Variants in PTPRO observed in about 807,000 individuals in gnomAD.
The protein encoded by PTPRO is protein tyrosine phosphatase receptor type O.
A neutral mutation model predicts 145.2 loss-of-function variants in PTPRO; 62 were observed. The observed-to-expected ratio is 0.43, with a 90% CI of 0.35 to 0.53. PTPRO has a LOEUF of 0.53. PTPRO is among the 20% of genes least tolerant of loss of function. The probability of loss-of-function intolerance (pLI) is 0.01; values close to 1 mark genes in which losing one functional copy is unlikely to be tolerated. For missense variants in PTPRO, 1,345 were observed against 1,482.7 expected, an observed-to-expected ratio of 0.91 and a Z score of 1.53; for synonymous variants, 565 against 514.7, an observed-to-expected ratio of 1.10 and a Z score of -1.32.
intron 1 of PTPRO, among the ~76,000 whole-genome samples, chr12:15,389,450 A>G (rs1033569103): frequency 6.6e-6 from 1 of 152,072 alleles, no homozygotes; most frequent in Admixed American, 6.6e-5. Context: ...GAATTCTCAG[A>G]GTGAATAGTA....
At position 15,371,220 on chromosome 12, in the gene PTPRO, A is replaced by T. The variant is rs184891987; in HGVS notation, c.75+48419A>T. ...ATTCTTCTAATGTTAAATAAAGAAC[A>T]TAACCTCAAGCTCACTATTTTTTTT... On this transcript the variant is annotated intron_variant, in intron 1 of 26. Coordinates refer to ENST00000281171, the MANE Select transcript of PTPRO (RefSeq NM_030667.3). Among the ~76,000 whole-genome samples, 281 of 151,884 alleles carry T rather than the reference A, an allele frequency of 1.9e-3. 1 individual carries two copies. In the Middle Eastern group the frequency reaches 0.024, roughly 13 times the overall value.
intron 1 of PTPRO, among the ~76,000 whole-genome samples, chr12:15,456,974 C>A (rs1941194413): frequency 6.6e-6 from 1 of 151,858 alleles, no homozygotes; most frequent in Non-Finnish European, 1.5e-5. Flanking sequence ...CTGTTCTAAT[C>A]TTTATTATTT....
At chr12:15,323,487 C>G (rs751716760) in intron 1 of PTPRO, among the ~76,000 whole-genome samples, 16 of 152,090 alleles carry the variant, frequency 1.1e-4, no homozygotes, top group Non-Finnish European at 2.1e-4. Flanking sequence ...GAATGTGCTA[C>G]CCTGAGGTTT....
At chr12:15,364,840 A>G (rs1204267168) in intron 1 of PTPRO, among the ~76,000 whole-genome samples, 1 of 152,186 alleles carries the variant, frequency 6.6e-6, no homozygotes, top group Non-Finnish European at 1.5e-5. Context: ...GGTCCCATTA[A>G]TTGAACAACA....
At chr12:15,517,026 CTT>C in intron 9 of PTPRO, 70 bp downstream of exon 9, 1 of 1,345,934 alleles carries the variant, frequency 7.4e-7, no homozygotes, top group Non-Finnish European at 1.1e-6. Flanking sequence ...CCAAATGTGT[CTT>C]TAAGAAATTA....
At position 15,516,913 on chromosome 12, in the gene PTPRO, C is replaced by A. The variant is rs1942611354; in HGVS notation, c.1736C>A (p.Thr579Asn). ...GCTACAATGACATCAGAGTGGACCA[C>A]CTACTATGAAATAGCAGCAACTGTT... Reference protein sequence around the residue: ...NPATMTSEWTTYYEIAATVSL... With the variant: ...NPATMTSEWTNYYEIAATVSL... The change falls in exon 9 of 27, where the codon ACC (threonine) becomes AAC (asparagine). Residue 579 changes from threonine to asparagine, a missense_variant. Physicochemically the swap from Thr to Asn is moderately conservative, Grantham distance 65. Transcript: ENST00000281171. 1 of 1,613,846 alleles carries A rather than the reference C, an allele frequency of 6.2e-7. No individual in the cohort carries two copies. The highest frequency in any genetic ancestry group is 8.5e-7 in the Non-Finnish European group (1 of 1,179,864).
chr12:15,407,197 T>C (rs1377805205), intron 1 of PTPRO, among the ~76,000 whole-genome samples: 1 of 152,200 alleles, frequency 6.6e-6, no homozygotes, highest in Non-Finnish European at 1.5e-5. Flanking sequence ...AAAATTATAT[T>C]CTGACCTCCA....
chr12:15,494,641 T>G (rs1942065099), intron 2 of PTPRO, among the ~76,000 whole-genome samples: 1 of 152,200 alleles, frequency 6.6e-6, no homozygotes, highest in Non-Finnish European at 1.5e-5. Context: ...CAAGCAAGCA[T>G]TTTAAGACAT....
At chr12:15,439,075 C>T (rs930632409) in intron 1 of PTPRO, among the ~76,000 whole-genome samples, 5 of 152,174 alleles carry the variant, frequency 3.3e-5, no homozygotes, top group African/African-American at 1.2e-4. Context: ...TAATAGAGGA[C>T]TTATCACCAG....
intron 13 of PTPRO, among the ~76,000 whole-genome samples, chr12:15,547,148 A>G (rs966967367): frequency 6.6e-6 from 1 of 152,246 alleles, no homozygotes; most frequent in Non-Finnish European, 1.5e-5. Context: ...AAAGTAAAAT[A>G]TAAGTACCAC....
chr12:15,583,088 T>C (rs1045601660), intron 23 of PTPRO, among the ~76,000 whole-genome samples: 2 of 152,210 alleles, frequency 1.3e-5, no homozygotes, highest in Non-Finnish European at 2.9e-5. Flanking sequence ...TCCTTTCTAA[T>C]AGTTAAGGAA....
chr12:15,483,818 A>G (rs1452333181), intron 1 of PTPRO, among the ~76,000 whole-genome samples, 156 bp from the exon 2 acceptor site: 2 of 152,138 alleles, frequency 1.3e-5, no homozygotes, highest in Non-Finnish European at 1.5e-5. Context: ...GTGTAACTAA[A>G]ATACCTATGT....
intron 10 of PTPRO, among the ~76,000 whole-genome samples, chr12:15,523,883 G>T (rs908490165): frequency 9.9e-5 from 15 of 151,868 alleles, no homozygotes; most frequent in African/African-American, 3.6e-4. Context: ...CTGCAGCCTG[G>T]ATCTCCTGGG....
In PTPRO at chr12:15,596,782, C is replaced by T. The variant is rs969384988; in HGVS notation, c.*709C>T. Reference sequence around the variant, plus strand: ...TGTTCTAGTTCTTGATGGTTTTCTTCCTTATTAACAGTTGGTGTTTCTTCC... The same window carrying T: ...TGTTCTAGTTCTTGATGGTTTTCTTTCTTATTAACAGTTGGTGTTTCTTCC... On this transcript the variant is annotated 3_prime_UTR_variant, in exon 27 of 27. Coordinates refer to ENST00000281171, the MANE Select transcript of PTPRO (RefSeq NM_030667.3). 1 of 152,392 alleles carries T rather than the reference C, an allele frequency of 6.6e-6. No homozygotes were observed. The highest frequency in any genetic ancestry group is 1.5e-5 in the Non-Finnish European group (1 of 68,022). The allele number at this position is 152,392 out of a possible 1,614,324, so 9.4% of individuals were successfully genotyped here. A position where few individuals can be genotyped will look rare whatever the true frequency, so the allele number is the denominator to read the frequency against.
intron 1 of PTPRO, among the ~76,000 whole-genome samples, chr12:15,458,828 A>G (rs573180428): frequency 8.7e-4 from 132 of 152,090 alleles, no homozygotes; most frequent in Middle Eastern, 3.4e-3. Context: ...TCTCCATTGC[A>G]TTAAGTTTGA....
intron 1 of PTPRO, among the ~76,000 whole-genome samples, chr12:15,325,553 AG>A (rs1434241552): frequency 6.6e-6 from 1 of 152,238 alleles, no homozygotes; most frequent in Non-Finnish European, 1.5e-5. Context: ...TATATAAAAT[AG>A]AAGAAAAAAT....
intron 1 of PTPRO, among the ~76,000 whole-genome samples, chr12:15,370,448 A>C (rs1047577552): frequency 8.5e-5 from 13 of 152,224 alleles, no homozygotes; most frequent in Non-Finnish European, 1.9e-4. Flanking sequence ...AATTAAAAGG[A>C]ACTATGTGTG....
At chr12:15,333,734 A>G (rs975628205) in intron 1 of PTPRO, among the ~76,000 whole-genome samples, 1 of 152,166 alleles carries the variant, frequency 6.6e-6, no homozygotes, top group Non-Finnish European at 1.5e-5. Context: ...GGTGGAGGGA[A>G]TAGAGGTTTT....
chr12:15,442,651 G>C (rs1001760961), intron 1 of PTPRO, among the ~76,000 whole-genome samples: 14 of 152,032 alleles, frequency 9.2e-5, no homozygotes, highest in Admixed American at 8.5e-4. Flanking sequence ...GAAGTTTCAG[G>C]ATACAAAATC....
Sources: gnomAD v4.1 joint callset for allele counts (sites outside exome capture counted in the v4.1 genomes callset) on GRCh38, gnomAD v4.1.1 for gene constraint, MANE v1.5 for transcripts, NCBI Gene and HGNC (gene_info 2026-07-23, HGNC 2026-07-21) for gene names.